CCSER1: variants seen among roughly 807,000 people sequenced by gnomAD.
CCSER1 encodes serine-rich coiled-coil domain-containing protein 1.
Under a neutral mutation model 82.0 loss-of-function variants are expected in CCSER1, and 41 were observed. That is an observed-to-expected ratio of 0.50 (90% CI 0.39 to 0.65). The LOEUF is 0.65. Among genes scored for constraint, CCSER1 ranks in the 30% least tolerant of loss-of-function variants. CCSER1 has a pLI of 0.00. For missense variants in CCSER1, 1,119 were observed against 1,064.2 expected, an observed-to-expected ratio of 1.05 and a Z score of -0.72; for synonymous variants, 414 against 383.9, an observed-to-expected ratio of 1.08 and a Z score of -0.92.
intron 1 of CCSER1, among the ~76,000 whole-genome samples, chr4:90,254,141 T>G (rs577690195): frequency 6.6e-6 from 1 of 152,320 alleles, no homozygotes; most frequent in South Asian, 2.1e-4. Context: ...CTCTTAAATT[T>G]CTCACCATCA....
intron 5 of CCSER1, among the ~76,000 whole-genome samples, chr4:90,546,335 T>G (rs1440214704): frequency 6.6e-6 from 1 of 152,122 alleles, no homozygotes; most frequent in Non-Finnish European, 1.5e-5. Context: ...GACTTAATAA[T>G]TCTTAGATAA....
At position 91,439,248 on chromosome 4, in the gene CCSER1, C is replaced by G. The variant is rs530194814; in HGVS notation, c.2218-159324C>G. On this transcript the variant is annotated intron_variant, in intron 10 of 10. Coordinates refer to ENST00000509176, the MANE Select transcript of CCSER1 (RefSeq NM_001145065.2). ...GCCAGAGAGAAAGGTCGGGTTACCC[C>G]CAAAGGGAAGCCCATCAGACTAACA... Among the ~76,000 whole-genome samples the G allele has an allele frequency of 3.9e-3, 599 of 152,042 alleles. 2 individuals carry two copies. Among genetic ancestry groups the G allele is most frequent in the African/African-American group, 0.014 (560 of 41,450 alleles).
At chr4:90,749,228 AG>A (rs1748117634) in intron 7 of CCSER1, among the ~76,000 whole-genome samples, 5 of 151,644 alleles carry the variant, frequency 3.3e-5, no homozygotes, top group Admixed American at 3.3e-4. Context: ...GGTGTAAGGA[AG>A]GGATCCAGTT....
At chr4:90,523,181 T>C (rs1440184124) in intron 5 of CCSER1, among the ~76,000 whole-genome samples, 1 of 152,144 alleles carries the variant, frequency 6.6e-6, no homozygotes, top group East Asian at 1.9e-4. Context: ...CAATAATTCT[T>C]AGAACAGAAA....
At chr4:90,748,038 C>CTTTTT (rs397972944) in intron 7 of CCSER1, among the ~76,000 whole-genome samples, 23 of 141,406 alleles carry the variant, frequency 1.6e-4, no homozygotes, top group South Asian at 6.8e-4. Context: ...ACATTTTCTT[C>CTTTTT]TTTTTTTTTT....
At chr4:90,712,134 C>T (rs1230795662) in intron 6 of CCSER1, among the ~76,000 whole-genome samples, 2 of 151,816 alleles carry the variant, frequency 1.3e-5, no homozygotes, top group African/African-American at 4.8e-5. Flanking sequence ...GTGTTTGTCA[C>T]AGTCTGCTTC....
At chr4:90,713,236 G>A (rs1740987994) in intron 6 of CCSER1, among the ~76,000 whole-genome samples, 1 of 151,872 alleles carries the variant, frequency 6.6e-6, no homozygotes, top group South Asian at 2.1e-4. Context: ...GCTTCTTAGT[G>A]TCACTGGTGT....
intron 8 of CCSER1, among the ~76,000 whole-genome samples, chr4:90,833,485 CTTA>C (rs1761394155): frequency 6.6e-6 from 1 of 152,122 alleles, no homozygotes; most frequent in African/African-American, 2.4e-5. Flanking sequence ...AGATGGCCAT[CTTA>C]TTATGCCTAT....
In CCSER1 at chr4:91,137,023, T is replaced by TA. The variant is rs1561577244; in HGVS notation, c.2217+51030dup. On this transcript the variant is annotated intron_variant, in intron 10 of 10. Coordinates refer to ENST00000509176, the MANE Select transcript of CCSER1 (RefSeq NM_001145065.2). Reference sequence around the variant, plus strand: ...TGTTTATAAAAATTCTTTTTTTTTTTATTATACTTTAAGTTTTAGGGTACA... The same window carrying TA: ...TGTTTATAAAAATTCTTTTTTTTTTTAATTATACTTTAAGTTTTAGGGTACA... 1.4e-4 allele frequency among the ~76,000 whole-genome samples: 20 copies of TA among 145,762 alleles called. 1 individual carries two copies. The South Asian group carries it at 4.1e-3, about 30-fold the overall frequency.
chr4:90,518,342 G>A (rs1272667843), intron 5 of CCSER1, among the ~76,000 whole-genome samples: 1 of 151,968 alleles, frequency 6.6e-6, no homozygotes, highest in African/African-American at 2.4e-5. Context: ...CTAGAGAGTA[G>A]GTGTTTGAAA....
At chr4:90,326,771 C>T (rs1738288344) in intron 3 of CCSER1, among the ~76,000 whole-genome samples, 2 of 152,096 alleles carry the variant, frequency 1.3e-5, no homozygotes, top group Non-Finnish European at 2.9e-5. Context: ...ATCCCTCTTG[C>T]TCCCCAGGCC....
chr4:90,742,516 A>G (rs965453364), intron 7 of CCSER1, among the ~76,000 whole-genome samples: 1 of 152,094 alleles, frequency 6.6e-6, no homozygotes, highest in African/African-American at 2.4e-5. Flanking sequence ...ATCCCTTCCA[A>G]CATGTGAGCA....
intron 4 of CCSER1, among the ~76,000 whole-genome samples, chr4:90,421,799 G>A (rs952826169): frequency 6.6e-6 from 1 of 151,852 alleles, no homozygotes; most frequent in African/African-American, 2.4e-5. Flanking sequence ...GACTCTTAGG[G>A]GTTGAACTCT....
intron 9 of CCSER1, among the ~76,000 whole-genome samples, chr4:91,037,904 C>CAT (rs2150570754): frequency 6.6e-6 from 1 of 152,136 alleles, no homozygotes; most frequent in African/African-American, 2.4e-5. Context: ...ATACAACAGA[C>CAT]ATATCTCTGG....
chr4:91,426,676 A>C (rs1754001585), intron 10 of CCSER1, among the ~76,000 whole-genome samples: 1 of 152,200 alleles, frequency 6.6e-6, no homozygotes, highest in African/African-American at 2.4e-5. Context: ...GAGTATTTTT[A>C]ATTGAATCCT....
At chr4:90,592,163 C>A (rs776924621) in intron 5 of CCSER1, among the ~76,000 whole-genome samples, 1 of 152,054 alleles carries the variant, frequency 6.6e-6, no homozygotes, top group Non-Finnish European at 1.5e-5. Context: ...AAAAAACCTG[C>A]ACGTTCTGCA....
intron 6 of CCSER1, among the ~76,000 whole-genome samples, chr4:90,641,532 G>T (rs542676494): frequency 6.6e-6 from 1 of 152,078 alleles, no homozygotes; most frequent in East Asian, 1.9e-4. Flanking sequence ...CTTTCCAAGT[G>T]TATGTAATCC....
At chr4:90,700,829 G>A (rs1376123093) in intron 6 of CCSER1, among the ~76,000 whole-genome samples, 4 of 152,092 alleles carry the variant, frequency 2.6e-5, no homozygotes, top group African/African-American at 9.6e-5. Context: ...AATTTTTGAT[G>A]GGGTTGTTTT....
chr4:90,593,912 A>G (rs1209296279), intron 5 of CCSER1, among the ~76,000 whole-genome samples: 1 of 152,030 alleles, frequency 6.6e-6, no homozygotes. Flanking sequence ...CAAAATGACT[A>G]ATTATGTTCA....
Sources: gnomAD v4.1 joint callset for allele counts (sites outside exome capture counted in the v4.1 genomes callset) on GRCh38, gnomAD v4.1.1 for gene constraint, MANE v1.5 for transcripts, NCBI Gene and HGNC (gene_info 2026-07-23, HGNC 2026-07-21) for gene names.